Variants in ATP8A1 observed in about 807,000 individuals in gnomAD.
The protein encoded by ATP8A1 is phospholipid-transporting ATPase IA.
Under a neutral mutation model 177.7 loss-of-function variants are expected in ATP8A1, and 90 were observed. The observed-to-expected ratio is 0.51, with a 90% CI of 0.43 to 0.60. ATP8A1 has a LOEUF of 0.60. ATP8A1 is among the 20% of genes least tolerant of loss of function. ATP8A1 has a pLI of 0.00. For synonymous variants in ATP8A1, 493 were observed against 485.9 expected, an observed-to-expected ratio of 1.01 and a Z score of -0.19; for missense variants, 1,072 against 1,392.8, an observed-to-expected ratio of 0.77 and a Z score of 3.67.
At chr4:42,610,369 A>T (rs542008836) in intron 5 of ATP8A1, among the ~76,000 whole-genome samples, 1 of 152,166 alleles carries the variant, frequency 6.6e-6, no homozygotes, top group Non-Finnish European at 1.5e-5. Context: ...ATATGTTAAT[A>T]TAACTTATTT....
intron 25 of ATP8A1, among the ~76,000 whole-genome samples, chr4:42,484,080 G>C (rs141272043): frequency 6.6e-6 from 1 of 152,180 alleles, no homozygotes; most frequent in Non-Finnish European, 1.5e-5. Flanking sequence ...GTGATTAAGT[G>C]ACCAAATCTG....
chr4:42,564,526 A>C (rs1731164857), intron 15 of ATP8A1, among the ~76,000 whole-genome samples: 1 of 152,200 alleles, frequency 6.6e-6, no homozygotes. Flanking sequence ...TGGACCTTTA[A>C]GATTTGACTG....
intron 20 of ATP8A1, among the ~76,000 whole-genome samples, chr4:42,530,973 G>T (rs964000346): frequency 1.3e-5 from 2 of 152,180 alleles, no homozygotes; most frequent in African/African-American, 2.4e-5. Context: ...CTGTTATCAG[G>T]AGACACAACA....
chr4:42,455,197 G>T, intron 29 of ATP8A1, 100 bp downstream of exon 29: 2 of 1,442,096 alleles, frequency 1.4e-6, no homozygotes, highest in African/African-American at 1.4e-5. Flanking sequence ...GTTGTCTCAG[G>T]CTAGTGTATC....
intron 32 of ATP8A1, 105 bp downstream of exon 32, chr4:42,444,473 T>A (rs1716993751): frequency 9.1e-7 from 1 of 1,099,826 alleles, no homozygotes; most frequent in African/African-American, 1.6e-5. Flanking sequence ...GACTAGGACA[T>A]ATTAACCTGG....
intron 33 of ATP8A1, among the ~76,000 whole-genome samples, chr4:42,440,525 G>A (rs1387016319): frequency 1.3e-5 from 2 of 152,020 alleles, no homozygotes; most frequent in African/African-American, 4.8e-5. Context: ...GTGAGCTATG[G>A]GAGGGCATGG....
chr4:42,587,611 C>CTT lies in ATP8A1; in HGVS notation c.594+647_594+648dup, dbSNP rs564079399. On this transcript the variant is annotated intron_variant, in intron 8 of 36. Coordinates refer to ENST00000381668, the MANE Select transcript of ATP8A1 (RefSeq NM_006095.2). Reference sequence around the variant, plus strand: ...AGCCACTGTGCCCATCCTTGTACAGCTTTTTTTTTTTTTGAGACAGAGTCT... The same window carrying CTT: ...AGCCACTGTGCCCATCCTTGTACAGCTTTTTTTTTTTTTTTGAGACAGAGTCT... 2.3e-3 allele frequency among the ~76,000 whole-genome samples: 309 copies of CTT among 132,478 alleles called. 3 individuals carry two copies. Among genetic ancestry groups the CTT allele is most frequent in the African/African-American group, 7.6e-3 (270 of 35,592 alleles). 86.9% of individuals were successfully genotyped at this position (132,478 alleles called of 152,430 possible).
chr4:42,485,062 AAGGAATGTAT>A (rs1227457922), intron 25 of ATP8A1, among the ~76,000 whole-genome samples: 1 of 152,210 alleles, frequency 6.6e-6, no homozygotes, highest in Non-Finnish European at 1.5e-5. Context: ...TTAGAGGGCA[AAGGAATGTAT>A]AGTCAATAAA....
At chr4:42,458,802 G>A (rs544031718) in intron 27 of ATP8A1, among the ~76,000 whole-genome samples, 4 of 152,302 alleles carry the variant, frequency 2.6e-5, no homozygotes, top group South Asian at 4.1e-4. Context: ...CAGTAGAGGC[G>A]TGGCAGCTAA....
At chr4:42,472,304 C>A in intron 25 of ATP8A1, 1 of 519,112 alleles carries the variant, frequency 1.9e-6, no homozygotes, top group South Asian at 1.5e-5. Context: ...GAAAGCAAGG[C>A]TGAAACTTTT....
intron 5 of ATP8A1, among the ~76,000 whole-genome samples, chr4:42,602,165 C>T (rs1208183291): frequency 1.3e-5 from 2 of 152,134 alleles, no homozygotes; most frequent in African/African-American, 2.4e-5. Flanking sequence ...ATTTCCAGCA[C>T]AATATCTTAA....
intron 9 of ATP8A1, 39 bp from the exon 10 acceptor site, chr4:42,581,771 T>C (rs757515021): frequency 1.0e-5 from 15 of 1,464,430 alleles, no homozygotes; most frequent in Non-Finnish European, 6.7e-6. Context: ...CAGTATTTTC[T>C]AAAATGCTTA....
At chr4:42,517,931 A>G (rs1174535562) in intron 22 of ATP8A1, among the ~76,000 whole-genome samples, 1 of 152,258 alleles carries the variant, frequency 6.6e-6, no homozygotes, top group East Asian at 1.9e-4. Flanking sequence ...TCCTTCCCAT[A>G]GTGTTCCCCA....
intron 1 of ATP8A1, among the ~76,000 whole-genome samples, chr4:42,644,776 G>C (rs921716457): frequency 6.6e-6 from 1 of 151,290 alleles, no homozygotes; most frequent in Non-Finnish European, 1.5e-5. Context: ...TCAGCAATTA[G>C]GGAAGGCAGG....
At chr4:42,522,406 T>C (rs1330406479) in intron 21 of ATP8A1, 107 bp from the exon 22 acceptor site, 22 of 1,276,278 alleles carry the variant, frequency 1.7e-5, no homozygotes, top group Non-Finnish European at 2.4e-5. Flanking sequence ...AGTGATTCCA[T>C]ACAAACAATA....
chr4:42,655,513 TA>T (rs201206974), intron 1 of ATP8A1, among the ~76,000 whole-genome samples: 4 of 152,004 alleles, frequency 2.6e-5, no homozygotes, highest in Admixed American at 1.3e-4. Context: ...CTCAGAAGTG[TA>T]AAAAAAATGA....
chr4:42,633,879 G>A (rs1308275096), intron 1 of ATP8A1, among the ~76,000 whole-genome samples: 1 of 152,142 alleles, frequency 6.6e-6, no homozygotes, highest in Non-Finnish European at 1.5e-5. Context: ...GACACATAAA[G>A]GAAGATAAGG....
chr4:42,533,685 A>G (rs1727501034), intron 20 of ATP8A1, among the ~76,000 whole-genome samples: 1 of 152,196 alleles, frequency 6.6e-6, no homozygotes, highest in Admixed American at 6.5e-5. Flanking sequence ...AGCTCTTGAA[A>G]GTGCCACCTC....
chr4:42,442,870 T>C (rs1187961365), intron 33 of ATP8A1, among the ~76,000 whole-genome samples: 1 of 152,192 alleles, frequency 6.6e-6, no homozygotes, highest in Non-Finnish European at 1.5e-5. Flanking sequence ...CCCAAAATGT[T>C]TTCCACATTT....
Sources: allele counts gnomAD v4.1 joint callset (sites outside exome capture counted in the v4.1 genomes callset), GRCh38; gene constraint gnomAD v4.1.1; transcripts MANE v1.5; gene names NCBI Gene and HGNC (gene_info 2026-07-23, HGNC 2026-07-21).